PNLIP: variants seen among roughly 807,000 people sequenced by gnomAD.
The protein encoded by PNLIP is pancreatic triacylglycerol lipase.
Under a neutral mutation model 57.1 loss-of-function variants are expected in PNLIP, and 49 were observed. That is an observed-to-expected ratio of 0.86 (90% CI 0.68 to 1.09). The LOEUF (loss-of-function observed/expected upper bound fraction) is 1.09. Among genes scored for constraint, PNLIP ranks in the 50% least tolerant of loss-of-function variants. PNLIP has a pLI of 0.00. For missense variants in PNLIP, 503 were observed against 570.2 expected (o/e 0.88, Z 1.20); for synonymous variants, 209 against 200.4 (o/e 1.04, Z -0.36).
At chr10:116,558,184 A>C (rs1847272680) in intron 9 of PNLIP, among the ~76,000 whole-genome samples, 1 of 146,358 alleles carries the variant, frequency 6.8e-6, no homozygotes, top group South Asian at 2.2e-4. Flanking sequence ...TGTTCTACTT[A>C]TGCAATCTTT....
chr10:116,551,441 T>A (rs993297412), intron 5 of PNLIP, among the ~76,000 whole-genome samples: 1 of 152,236 alleles, frequency 6.6e-6, no homozygotes, highest in African/African-American at 2.4e-5. Context: ...CTAGTTTTTT[T>A]AAGTTAACTT....
intron 4 of PNLIP, among the ~76,000 whole-genome samples, chr10:116,550,112 GCAGTGGCGCGATCTTGGCTCA>G (rs1289034082): frequency 2.2e-5 from 3 of 134,250 alleles, no homozygotes; most frequent in South Asian, 2.3e-4. Flanking sequence ...CGGCTAGAGT[GCAGTGGCGCGATCTTGGCTCA>G]CTGCAAGCTC....
chr10:116,548,215 T>C, intron 3 of PNLIP, 145 bp from the exon 4 acceptor site: 1 of 700,452 alleles, frequency 1.4e-6, no homozygotes, highest in Non-Finnish European at 2.4e-6. Flanking sequence ...ATGATGATAG[T>C]GAATACTGTG....
intron 9 of PNLIP, among the ~76,000 whole-genome samples, chr10:116,557,477 C>G (rs1564726363): frequency 6.6e-6 from 1 of 152,230 alleles, no homozygotes; most frequent in South Asian, 2.1e-4. Flanking sequence ...TTTTTGGGCT[C>G]CTTTCGACTC....
chr10:116,565,582 G>A (rs952053214), intron 12 of PNLIP, among the ~76,000 whole-genome samples: 12 of 146,088 alleles, frequency 8.2e-5, no homozygotes, highest in Admixed American at 1.4e-4. Context: ...TGCCTCAGCC[G>A]CCTGTGTAGC....
In PNLIP at chr10:116,551,351, A is replaced by T. The variant is rs1847190189; in HGVS notation, c.459+119A>T. 1.2e-5 allele frequency: 8 copies of T among 647,148 alleles called. No homozygotes were observed. The South Asian group carries it at 5.1e-4, about 41-fold the overall frequency. 40.1% of individuals were successfully genotyped at this position (647,148 alleles called of 1,614,324 possible). A position where few individuals can be genotyped will look rare whatever the true frequency, so the allele number is the denominator to read the frequency against. On this transcript the variant is annotated intron_variant, in intron 5 of 12. Coordinates refer to ENST00000369221, the MANE Select transcript of PNLIP (RefSeq NM_000936.4). Reference sequence around the variant, plus strand: ...GATAAAGACACTTCTCTACTCAGATATGATGTTTCTCTTGGCTACAAAGAA... The same window carrying T: ...GATAAAGACACTTCTCTACTCAGATTTGATGTTTCTCTTGGCTACAAAGAA...
At chr10:116,566,250 T>C (rs1847366514) in intron 12 of PNLIP, among the ~76,000 whole-genome samples, 1 of 152,222 alleles carries the variant, frequency 6.6e-6, no homozygotes, top group Non-Finnish European at 1.5e-5. Context: ...GAACTAATGG[T>C]ACACTCAACA....
chr10:116,555,391 T>G lies in PNLIP; in HGVS notation c.695T>G (p.Phe232Cys), dbSNP rs1194116616. 1 of 1,614,154 alleles carries G rather than the reference T, an allele frequency of 6.2e-7. No homozygotes were observed. The highest frequency in any genetic ancestry group is 8.5e-7 in the Non-Finnish European group (1 of 1,180,014). The change falls in exon 8 of 13, where the codon TTT becomes TGT. Residue 232 changes from phenylalanine (F) to cysteine (C), a missense_variant. Phe to Cys is a radical substitution (Grantham distance 205). Transcript: ENST00000369221. ...DGAPIVPNLG[F>C]GMSQVVGHLD... is the part of the protein sequence containing the mutation. ...TCATGTATTTTTATGATTTCAGGGT[T>G]TGGAATGAGCCAAGTCGTGGGCCAC...
intron 11 of PNLIP, among the ~76,000 whole-genome samples, chr10:116,560,731 C>T (rs956310903): frequency 6.6e-6 from 1 of 151,476 alleles, no homozygotes; most frequent in Non-Finnish European, 1.5e-5. Context: ...GCGCCCACCA[C>T]CACGCCTGGC....
At chr10:116,549,731 A>G (rs3010503) in intron 4 of PNLIP, among the ~76,000 whole-genome samples, 135,135 of 152,154 alleles carry the variant, frequency 0.89, 60,310 homozygotes, top group South Asian at 0.92. Context: ...ATAGAACAGC[A>G]AAGAAAAAAA....
chr10:116,566,222 T>G (rs1166007673), intron 12 of PNLIP, among the ~76,000 whole-genome samples: 4 of 152,204 alleles, frequency 2.6e-5, no homozygotes, highest in African/African-American at 9.7e-5. Context: ...GGAATATTAC[T>G]CAGCAGTAAC....
intron 12 of PNLIP, among the ~76,000 whole-genome samples, chr10:116,567,504 G>A (rs1847382051): frequency 6.6e-6 from 1 of 152,150 alleles, no homozygotes; most frequent in Admixed American, 6.5e-5. Flanking sequence ...TTTCTTTGGG[G>A]CGTCTACTGA....
chr10:116,555,904 A>G, intron 8 of PNLIP, 96 bp from the exon 9 acceptor site: 1 of 760,416 alleles, frequency 1.3e-6, no homozygotes, highest in South Asian at 1.6e-5. Flanking sequence ...AGCTCACACT[A>G]ATTAGAGAAA....
intron 9 of PNLIP, 56 bp from the exon 10 acceptor site, chr10:116,559,098 T>C (rs1847286565): frequency 1.9e-6 from 3 of 1,572,074 alleles, no homozygotes; most frequent in Non-Finnish European, 2.6e-6. Context: ...GTAGGAAATA[T>C]GGTACACAAC....
chr10:116,555,231 G>C lies in PNLIP; in HGVS notation c.625G>C (p.Asp209His), dbSNP rs752380434. 4.3e-6 allele frequency: 7 copies of C among 1,614,058 alleles called. No individual in the cohort carries two copies. In the African/African-American group the frequency reaches 6.7e-5, roughly 15 times the overall value. The change falls in exon 7 of 13, where the codon GAC becomes CAC. Residue 209 changes from aspartate (D) to histidine (H), a missense_variant. Asp to His is a moderately conservative substitution (Grantham distance 81). Coordinates refer to ENST00000369221, the MANE Select transcript of PNLIP (RefSeq NM_000936.4). ...FQGTPELVRL[D>H]PSDAKFVDVI... The stretch of plus-strand genomic sequence containing the variant: ...GGGCACACCTGAATTAGTCCGATTG[G>C]ACCCCAGCGATGCCAAATTTGTGGA...
intron 4 of PNLIP, among the ~76,000 whole-genome samples, chr10:116,549,713 A>G (rs1445931955): frequency 1.3e-5 from 2 of 152,206 alleles, no homozygotes; most frequent in African/African-American, 4.8e-5. Flanking sequence ...GGGTAATAAT[A>G]GATATTTATA....
intron 11 of PNLIP, among the ~76,000 whole-genome samples, 194 bp downstream of exon 11, chr10:116,560,718 C>T (rs1198531456): frequency 1.3e-5 from 2 of 151,708 alleles, no homozygotes; most frequent in Non-Finnish European, 2.9e-5. Flanking sequence ...GCTGGGATTA[C>T]AGGCGCCCAC....
At chr10:116,562,047 C>G (rs1386063152) in intron 12 of PNLIP, among the ~76,000 whole-genome samples, 2 of 152,214 alleles carry the variant, frequency 1.3e-5, no homozygotes, top group South Asian at 2.1e-4. Flanking sequence ...TTCCAAATCA[C>G]TGGTCTTCTT....
chr10:116,565,337 T>C (rs181949478), intron 12 of PNLIP, among the ~76,000 whole-genome samples: 147 of 150,650 alleles, frequency 9.8e-4, no homozygotes, highest in African/African-American at 3.4e-3. Flanking sequence ...TAGACTCATA[T>C]CTAGCCATGT....
Sources: gnomAD v4.1 joint callset for allele counts (sites outside exome capture counted in the v4.1 genomes callset) on GRCh38, gnomAD v4.1.1 for gene constraint, MANE v1.5 for transcripts, NCBI Gene and HGNC (gene_info 2026-07-23, HGNC 2026-07-21) for gene names.